TEKT5: variants seen among roughly 807,000 people sequenced by gnomAD.
TEKT5 encodes tektin 5.
TEKT5 carries 52 observed loss-of-function variants against 48.7 expected under a neutral mutation model. That is an observed-to-expected ratio of 1.07 (90% confidence interval 0.86 to 1.35). The LOEUF (loss-of-function observed/expected upper bound fraction) is 1.35, where lower values mean the gene tolerates loss of function less well. Ranked by LOEUF, TEKT5 falls within the 40% of genes most tolerant of loss-of-function variation. The pLI, the probability that TEKT5 is intolerant of heterozygous loss-of-function variation, is 0.00. For synonymous variants in TEKT5, 318 were observed against 267.6 expected (o/e 1.19, Z -1.84); for missense variants, 831 against 641.6 (o/e 1.30, Z -3.19).
In TEKT5 at chr16:10,683,209, A is replaced by C. The variant is rs976186616; in HGVS notation, c.720-1073T>G. On this transcript the variant is annotated intron_variant, in intron 3 of 6. Transcript: ENST00000283025. The stretch of plus-strand genomic sequence containing the variant: ...ATGGGGGAATGAGAATTCCAAGCCG[A>C]CAACATCACACGTGCCAACACAGAG... 1.3e-4 allele frequency among the ~76,000 whole-genome samples: 18 copies of C among 142,310 alleles called. No homozygotes were observed. The South Asian group carries it at 1.6e-3, about 12-fold the overall frequency. 93.4% of individuals were successfully genotyped at this position (142,310 alleles called of 152,430 possible). A position where few individuals can be genotyped will look rare whatever the true frequency, so the allele number is the denominator to read the frequency against.
chr16:10,657,032 C>T (rs971646321), intron 5 of TEKT5, among the ~76,000 whole-genome samples: 20 of 152,148 alleles, frequency 1.3e-4, no homozygotes, highest in Admixed American at 1.3e-4. Context: ...AGGCATTGCA[C>T]CCAGCCTATA....
intron 6 of TEKT5, among the ~76,000 whole-genome samples, chr16:10,630,380 C>A (rs1424865576): frequency 6.6e-6 from 1 of 152,004 alleles, no homozygotes; most frequent in Non-Finnish European, 1.5e-5. Context: ...AGGCTACAGG[C>A]AGGCACCACC....
At chr16:10,627,926 T>A in intron 6 of TEKT5, 127 bp from the exon 7 acceptor site, 4 of 822,020 alleles carry the variant, frequency 4.9e-6, no homozygotes, top group Non-Finnish European at 7.6e-6. Context: ...CACTGCAACC[T>A]CTGCCTCCCG....
At chr16:10,645,963 C>A (rs766349170) in intron 5 of TEKT5, among the ~76,000 whole-genome samples, 2 of 151,770 alleles carry the variant, frequency 1.3e-5, no homozygotes, top group African/African-American at 2.4e-5. Flanking sequence ...GAGACCCCAT[C>A]TCTACAGAAA....
intron 5 of TEKT5, among the ~76,000 whole-genome samples, chr16:10,641,186 A>G (rs529657395): frequency 1.3e-5 from 2 of 152,292 alleles, no homozygotes; most frequent in South Asian, 2.1e-4. Flanking sequence ...GTAGTGGTAT[A>G]TTATGGTTTT....
At chr16:10,691,596 G>C (rs12596180) in intron 1 of TEKT5, among the ~76,000 whole-genome samples, 20,958 of 152,116 alleles carry the variant, frequency 0.14, 1,572 homozygotes, top group Non-Finnish European at 0.18. Context: ...AGCGAGTCTA[G>C]AGCAATAGCG....
At chr16:10,686,000 C>T (rs940876090) in intron 3 of TEKT5, among the ~76,000 whole-genome samples, 5 of 152,186 alleles carry the variant, frequency 3.3e-5, no homozygotes, top group African/African-American at 1.2e-4. Context: ...AAACGTCAGC[C>T]CTCCTGTCCC....
intron 5 of TEKT5, among the ~76,000 whole-genome samples, chr16:10,652,576 T>G: frequency 1.1e-5 from 1 of 89,792 alleles, no homozygotes; most frequent in South Asian, 4.3e-4. Context: ...CCAGGCCAGG[T>G]AGAATGATCC....
chr16:10,686,996 A>G (rs1265729826), intron 3 of TEKT5, among the ~76,000 whole-genome samples: 1 of 152,236 alleles, frequency 6.6e-6, no homozygotes, highest in Non-Finnish European at 1.5e-5. Context: ...AGAAAGACAA[A>G]TATCTCATGA....
intron 5 of TEKT5, among the ~76,000 whole-genome samples, chr16:10,658,878 C>T (rs564278639): frequency 3.3e-5 from 5 of 151,982 alleles, no homozygotes; most frequent in Admixed American, 1.3e-4. Context: ...CCACCACACC[C>T]GGTTAATTTT....
In TEKT5 at chr16:10,690,119, C is replaced by A; in HGVS notation, c.565-94G>T. 4 of 1,377,802 alleles carry A rather than the reference C, an allele frequency of 2.9e-6. No homozygotes were observed. In the South Asian group the frequency reaches 3.7e-5, roughly 13 times the overall value. 85.3% of individuals were successfully genotyped at this position (1,377,802 alleles called of 1,614,324 possible). A position where few individuals can be genotyped will look rare whatever the true frequency, so the allele number is the denominator to read the frequency against. ...ACATCCACCCTTGCCACAATCTGTT[C>A]CTTTCTCCCGGAAACCTGGGTGCTT... On this transcript the variant is annotated intron_variant, in intron 1 of 6. Transcript: ENST00000283025.
At position 10,653,472 on chromosome 16, in the gene TEKT5, T is replaced by A. The variant is rs747093636; in HGVS notation, c.1087-17554A>T. Among the ~76,000 whole-genome samples the A allele has an allele frequency of 5.0e-4, 76 of 152,330 alleles. 1 individual carries two copies. Among genetic ancestry groups the A allele is most frequent in the Non-Finnish European group, 7.9e-4 (54 of 68,020 alleles). On this transcript the variant is annotated intron_variant, in intron 5 of 6. Transcript: ENST00000283025. Reference sequence around the variant, plus strand: ...TCTCTACAGTTGCACAGATGTAGGTTCAATTCCACTTCCTGCTGTGTGACC... The same window carrying A: ...TCTCTACAGTTGCACAGATGTAGGTACAATTCCACTTCCTGCTGTGTGACC...
chr16:10,660,167 C>G (rs995058657), intron 5 of TEKT5, among the ~76,000 whole-genome samples: 2 of 152,112 alleles, frequency 1.3e-5, no homozygotes, highest in Non-Finnish European at 2.9e-5. Flanking sequence ...AATTTAACAT[C>G]CCCCACCCTA....
At position 10,629,253 on chromosome 16, in the gene TEKT5, A is replaced by ATT. The variant is rs1010012795; in HGVS notation, c.1242-1456_1242-1455dup. Among the ~76,000 whole-genome samples the ATT allele has an allele frequency of 1.8e-3, 258 of 144,750 alleles. 1 individual carries two copies. The highest frequency in any genetic ancestry group is 6.2e-3 in the African/African-American group (247 of 39,676). The allele number at this position is 144,750 out of a possible 152,430, so 95.0% of individuals were successfully genotyped here. A position where few individuals can be genotyped will look rare whatever the true frequency, so the allele number is the denominator to read the frequency against. On this transcript the variant is annotated intron_variant, in intron 6 of 6. Transcript: ENST00000283025. ...TTTGTGTTACATGTATTTTATCACA[A>ATT]TTTTTTTTTTTTTTTGAGATGGAGT...
intron 5 of TEKT5, among the ~76,000 whole-genome samples, chr16:10,666,721 G>A (rs1287657255): frequency 1.3e-5 from 2 of 152,226 alleles, no homozygotes; most frequent in African/African-American, 4.8e-5. Context: ...GGGATGGGGT[G>A]TTGTTCTGAA....
chr16:10,647,109 C>T (rs1217704166), intron 5 of TEKT5, among the ~76,000 whole-genome samples: 2 of 152,110 alleles, frequency 1.3e-5, no homozygotes, highest in Non-Finnish European at 2.9e-5. Context: ...ACCATCTAGG[C>T]GTCCCTACTT....
intron 5 of TEKT5, among the ~76,000 whole-genome samples, chr16:10,674,876 G>A (rs111910512): frequency 0.024 from 3,683 of 151,020 alleles, 147 homozygotes; most frequent in African/African-American, 0.085. Context: ...AGGTTGGAGT[G>A]CAGTGGTGTG....
intron 5 of TEKT5, among the ~76,000 whole-genome samples, chr16:10,673,349 T>C (rs1298603574): frequency 6.6e-6 from 1 of 152,176 alleles, no homozygotes; most frequent in Non-Finnish European, 1.5e-5. Context: ...GTACAGATTG[T>C]CCACGGCTGC....
At chr16:10,642,082 G>A (rs1216151942) in intron 5 of TEKT5, among the ~76,000 whole-genome samples, 1 of 152,246 alleles carries the variant, frequency 6.6e-6, no homozygotes, top group African/African-American at 2.4e-5. Flanking sequence ...AATCTGGATC[G>A]CTGTGCCGTG....
Sources: allele counts gnomAD v4.1 joint callset (sites outside exome capture counted in the v4.1 genomes callset), GRCh38; gene constraint gnomAD v4.1.1; transcripts MANE v1.5; gene names NCBI Gene and HGNC (gene_info 2026-07-23, HGNC 2026-07-21).